The following OPCML variants were observed in gnomAD, a reference collection of about 807,000 sequenced individuals.
OPCML encodes opioid binding protein/cell adhesion molecule like, also known as opioid-binding protein/cell adhesion molecule.
Under a neutral mutation model 37.8 loss-of-function variants are expected in OPCML, and 13 were observed. The observed-to-expected ratio is 0.34, with a 90% confidence interval of 0.22 to 0.55. The LOEUF (loss-of-function observed/expected upper bound fraction) is 0.55, where lower values mean the gene tolerates loss of function less well. OPCML is among the 20% of genes least tolerant of loss of function. OPCML has a pLI of 0.91. For missense variants in OPCML, 341 were observed against 435.6 expected, an observed-to-expected ratio of 0.78 and a Z score of 1.93; for synonymous variants, 176 against 168.8, an observed-to-expected ratio of 1.04 and a Z score of -0.33.
chr11:133,262,912 C>T (rs1012984501), intron 1 of OPCML, among the ~76,000 whole-genome samples: 9 of 151,878 alleles, frequency 5.9e-5, no homozygotes, highest in Middle Eastern at 3.4e-3. Context: ...TGGGGCATCC[C>T]GAGATCAGCG....
chr11:132,897,204 A>T (rs1368603271), intron 2 of OPCML, among the ~76,000 whole-genome samples: 2 of 152,212 alleles, frequency 1.3e-5, no homozygotes, highest in Non-Finnish European at 2.9e-5. Flanking sequence ...TAGAAGAATC[A>T]CAGCAGAAGT....
At chr11:132,421,046 G>A (rs1349094303) in intron 7 of OPCML, among the ~76,000 whole-genome samples, 4 of 151,776 alleles carry the variant, frequency 2.6e-5, no homozygotes, top group East Asian at 1.9e-4. Context: ...AAGGTCCACC[G>A]GGAAATAAGT....
At chr11:133,011,906 G>T (rs1947225495) in intron 1 of OPCML, among the ~76,000 whole-genome samples, 1 of 152,230 alleles carries the variant, frequency 6.6e-6, no homozygotes, top group South Asian at 2.1e-4. Context: ...TGGCATGGTT[G>T]CTAGTGCTGC....
intron 2 of OPCML, among the ~76,000 whole-genome samples, chr11:132,913,051 C>T (rs1481132177): frequency 6.6e-6 from 1 of 152,202 alleles, no homozygotes; most frequent in Non-Finnish European, 1.5e-5. Flanking sequence ...ATGTTATACA[C>T]AACCTGGCAA....
intron 2 of OPCML, among the ~76,000 whole-genome samples, chr11:132,901,886 G>A (rs1305540666): frequency 6.6e-6 from 1 of 152,094 alleles, no homozygotes. Context: ...AATTGTACTT[G>A]GAATTCACAA....
At chr11:132,872,666 A>T (rs916205376) in intron 2 of OPCML, among the ~76,000 whole-genome samples, 48 of 152,188 alleles carry the variant, frequency 3.2e-4, no homozygotes, top group African/African-American at 1.1e-3. Flanking sequence ...GATGTAAAAG[A>T]TATGAGACTC....
chr11:132,927,299 C>A lies in OPCML; in HGVS notation c.146+15627G>T, dbSNP rs1009061258. ...GAGAAATTGAGAATCTTGAAAGTAG[C>A]AAGAAACTAATTTATCATTTACAAA... On this transcript the variant is annotated intron_variant, in intron 2 of 7. Coordinates refer to ENST00000524381, the MANE Select transcript of OPCML (RefSeq NM_001012393.5). Among the ~76,000 whole-genome samples, 3 of 152,002 alleles carry A rather than the reference C, an allele frequency of 2.0e-5. No individual in the cohort carries two copies. In the East Asian group the frequency reaches 5.8e-4, roughly 29 times the overall value.
intron 1 of OPCML, among the ~76,000 whole-genome samples, chr11:133,165,549 A>G (rs1357991040): frequency 6.6e-6 from 1 of 152,150 alleles, no homozygotes; most frequent in Non-Finnish European, 1.5e-5. Context: ...CCAAGTTTTC[A>G]AATATTTTAT....
rs576886800 is a variant in OPCML at position 132,780,627 on chromosome 11, G to A, written c.147-123308C>T. On this transcript the variant is annotated intron_variant, in intron 2 of 7. Transcript: ENST00000524381. Reference sequence around the variant, plus strand: ...TTGACTCAGAATAGGCTGGGAGGTAGAGGAATGTAACAGGTAAAGATTTTT... The same window carrying A: ...TTGACTCAGAATAGGCTGGGAGGTAAAGGAATGTAACAGGTAAAGATTTTT... 3.8e-4 allele frequency among the ~76,000 whole-genome samples: 58 copies of A among 152,306 alleles called. No homozygotes were observed. In the South Asian group the frequency reaches 0.011, roughly 28 times the overall value.
intron 1 of OPCML, among the ~76,000 whole-genome samples, chr11:133,493,125 G>A (rs1947701949): frequency 6.6e-6 from 1 of 152,220 alleles, no homozygotes; most frequent in East Asian, 1.9e-4. Flanking sequence ...ACAAGCGCAG[G>A]ATTGAGGAGC....
intron 1 of OPCML, chr11:133,003,791 T>C: frequency 3.0e-6 from 3 of 985,398 alleles, no homozygotes; most frequent in Non-Finnish European, 2.4e-6. Context: ...AGAGTGTTCT[T>C]TGTGCTGGGC....
At chr11:132,681,933 C>T (rs1441146501) in intron 2 of OPCML, among the ~76,000 whole-genome samples, 3 of 150,966 alleles carry the variant, frequency 2.0e-5, no homozygotes, top group South Asian at 4.2e-4. Context: ...CCAGCCTGGG[C>T]GACAGAGAGA....
intron 1 of OPCML, among the ~76,000 whole-genome samples, chr11:133,072,877 A>G (rs955678756): frequency 1.3e-5 from 2 of 152,216 alleles, no homozygotes; most frequent in Non-Finnish European, 2.9e-5. Flanking sequence ...TTTTACTGGG[A>G]CAGCACATCT....
At chr11:132,446,741 G>A (rs12421501) in intron 4 of OPCML, among the ~76,000 whole-genome samples, 17,434 of 151,922 alleles carry the variant, frequency 0.11, 1,305 homozygotes, top group Non-Finnish European at 0.16. Flanking sequence ...AGAAGTAAAA[G>A]TACTGCTTTA....
In OPCML at chr11:132,469,636, ATG is replaced by A. The variant is rs1165240835; in HGVS notation, c.506-32279_506-32278del. 1.5e-4 allele frequency among the ~76,000 whole-genome samples: 10 copies of A among 67,438 alleles called. No individual in the cohort carries two copies. In the Admixed American group the frequency reaches 2.2e-3, roughly 15 times the overall value. The allele number at this position is 67,438 out of a possible 152,430, so 44.2% of individuals were successfully genotyped here. A position where few individuals can be genotyped will look rare whatever the true frequency, so the allele number is the denominator to read the frequency against. The stretch of plus-strand genomic sequence containing the variant: ...GTGTATGTGTGTGGGGTGTGTGTGT[ATG>A]TGTGTGGGGGTGTATGTGTGTGGGG... On this transcript the variant is annotated intron_variant, in intron 4 of 7. Coordinates refer to ENST00000524381, the MANE Select transcript of OPCML (RefSeq NM_001012393.5).
At chr11:132,465,926 A>G (rs1328539740) in intron 4 of OPCML, among the ~76,000 whole-genome samples, 1 of 152,228 alleles carries the variant, frequency 6.6e-6, no homozygotes, top group Non-Finnish European at 1.5e-5. Context: ...TGAGAAACTA[A>G]AAGGGATCAT....
chr11:133,126,553 A>C (rs1334279884), intron 1 of OPCML, among the ~76,000 whole-genome samples: 2 of 152,190 alleles, frequency 1.3e-5, no homozygotes, highest in African/African-American at 4.8e-5. Context: ...CCCATCATCT[A>C]AATGTAATGT....
intron 4 of OPCML, among the ~76,000 whole-genome samples, chr11:132,464,314 C>A (rs534934213): frequency 1.3e-5 from 2 of 152,304 alleles, no homozygotes; most frequent in African/African-American, 4.8e-5. Context: ...CCTAATCTTG[C>A]CTATGTTTTT....
intron 1 of OPCML, among the ~76,000 whole-genome samples, chr11:133,386,062 G>A (rs891445670): frequency 3.3e-5 from 5 of 152,184 alleles, no homozygotes; most frequent in Admixed American, 2.6e-4. Context: ...CGGGAGAGGG[G>A]AAGTGTGTGT....
Sources: gnomAD v4.1 joint callset for allele counts (sites outside exome capture counted in the v4.1 genomes callset) on GRCh38, gnomAD v4.1.1 for gene constraint, MANE v1.5 for transcripts, NCBI Gene and HGNC (gene_info 2026-07-23, HGNC 2026-07-21) for gene names.